Variants in GPC5 observed in about 807,000 individuals in gnomAD.
GPC5 encodes glypican 5.
In GPC5, 47 loss-of-function variants were observed where a neutral mutation model predicts 53.9. That is an observed-to-expected ratio of 0.87 (90% CI 0.69 to 1.11). The LOEUF (loss-of-function observed/expected upper bound fraction) is 1.11, where lower values mean the gene tolerates loss of function less well. Ranked by LOEUF, GPC5 falls within the 50% of genes most tolerant of loss-of-function variation. GPC5 has a pLI of 0.00. For synonymous variants in GPC5, 286 were observed against 263.3 expected, an observed-to-expected ratio of 1.09 and a Z score of -0.84; for missense variants, 748 against 713.1, an observed-to-expected ratio of 1.05 and a Z score of -0.56.
intron 7 of GPC5, among the ~76,000 whole-genome samples, chr13:92,366,524 T>G (rs1478809982): frequency 6.6e-6 from 1 of 151,864 alleles, no homozygotes; most frequent in Non-Finnish European, 1.5e-5. Context: ...TTTTCTGAAA[T>G]TCTTTACATC....
At chr13:92,239,620 A>T (rs1241996758) in intron 7 of GPC5, among the ~76,000 whole-genome samples, 1 of 152,026 alleles carries the variant, frequency 6.6e-6, no homozygotes, top group Non-Finnish European at 1.5e-5. Context: ...TTGTTTAAAA[A>T]GACGTATCCA....
intron 7 of GPC5, among the ~76,000 whole-genome samples, chr13:92,283,540 G>A (rs957682936): frequency 2.6e-5 from 4 of 152,116 alleles, no homozygotes; most frequent in Admixed American, 6.5e-5. Flanking sequence ...ATAACAAACT[G>A]TCTCTCAGAC....
intron 6 of GPC5, among the ~76,000 whole-genome samples, chr13:91,923,546 T>C (rs924528667): frequency 6.6e-6 from 1 of 152,216 alleles, no homozygotes; most frequent in Non-Finnish European, 1.5e-5. Flanking sequence ...AAAATGTGCA[T>C]TATAATAAAC....
intron 7 of GPC5, among the ~76,000 whole-genome samples, chr13:92,711,051 G>A (rs529794276): frequency 1.2e-4 from 18 of 152,182 alleles, no homozygotes; most frequent in South Asian, 2.1e-4. Context: ...TGCACTATTC[G>A]TACAGTCCCA....
chr13:92,008,717 G>T (rs1156670980), intron 6 of GPC5, among the ~76,000 whole-genome samples: 1 of 151,746 alleles, frequency 6.6e-6, no homozygotes, highest in East Asian at 1.9e-4. Flanking sequence ...TGAGTTTTTC[G>T]TTTTCATCAA....
chr13:91,583,650 G>T (rs1264136984), intron 2 of GPC5, among the ~76,000 whole-genome samples: 2 of 152,044 alleles, frequency 1.3e-5, no homozygotes, highest in Non-Finnish European at 2.9e-5. Flanking sequence ...AAATGTATAT[G>T]TTAATGAAAG....
chr13:91,661,537 T>A (rs114833076), intron 2 of GPC5, among the ~76,000 whole-genome samples: 2,879 of 152,266 alleles, frequency 0.019, 84 homozygotes, highest in African/African-American at 0.066. Flanking sequence ...AAGTCATTTA[T>A]GCAATGCATT....
At chr13:91,944,356 A>G (rs1428591041) in intron 6 of GPC5, among the ~76,000 whole-genome samples, 1 of 152,010 alleles carries the variant, frequency 6.6e-6, no homozygotes, top group African/African-American at 2.4e-5. Flanking sequence ...TCAGCCTCCC[A>G]AAGTTCTGGG....
In GPC5 at chr13:91,766,625, G is replaced by A. The variant is rs112084170; in HGVS notation, c.1280+10205G>A. The stretch of plus-strand genomic sequence containing the variant: ...TGCCTGTAATCCCAGCGCTTCGGGA[G>A]GCTGAGGTGGGCAGAACACGAGGTC... On this transcript the variant is annotated intron_variant, in intron 5 of 7. Transcript: ENST00000377067. Among the ~76,000 whole-genome samples, 1,008 of 152,284 alleles carry A rather than the reference G, an allele frequency of 6.6e-3. 13 individuals carry two copies. The highest frequency in any genetic ancestry group is 0.023 in the African/African-American group (955 of 41,554).
At chr13:91,448,285 C>G (rs769947716) in intron 1 of GPC5, among the ~76,000 whole-genome samples, 1 of 152,162 alleles carries the variant, frequency 6.6e-6, no homozygotes, top group Non-Finnish European at 1.5e-5. Context: ...ACAAGCAGCA[C>G]GAGCCTGATG....
At chr13:92,170,415 CT>C (rs1475843444) in intron 7 of GPC5, among the ~76,000 whole-genome samples, 1 of 96,584 alleles carries the variant, frequency 1.0e-5, no homozygotes, top group Non-Finnish European at 2.1e-5. Context: ...TTTGTCTTTT[CT>C]TTGCTTTTTT....
chr13:92,503,327 T>C (rs1343938573), intron 7 of GPC5, among the ~76,000 whole-genome samples: 1 of 151,708 alleles, frequency 6.6e-6, no homozygotes, highest in Admixed American at 6.6e-5. Context: ...AAAAGGAAAA[T>C]TAGAATACAT....
At chr13:91,807,421 G>A (rs1271872724) in intron 5 of GPC5, among the ~76,000 whole-genome samples, 1 of 152,136 alleles carries the variant, frequency 6.6e-6, no homozygotes, top group South Asian at 2.1e-4. Context: ...GCACATTGGA[G>A]TAGAAGAATT....
intron 6 of GPC5, among the ~76,000 whole-genome samples, chr13:91,972,161 G>A (rs1375332052): frequency 6.6e-6 from 1 of 152,254 alleles, no homozygotes; most frequent in East Asian, 1.9e-4. Context: ...TGTATTGGGT[G>A]CATATATATT....
At chr13:91,940,893 C>A (rs1000847979) in intron 6 of GPC5, among the ~76,000 whole-genome samples, 1 of 151,824 alleles carries the variant, frequency 6.6e-6, no homozygotes, top group Non-Finnish European at 1.5e-5. Flanking sequence ...GGATATTATA[C>A]TTTTGTTGGA....
At chr13:92,276,210 T>C (rs1329574717) in intron 7 of GPC5, among the ~76,000 whole-genome samples, 1 of 152,144 alleles carries the variant, frequency 6.6e-6, no homozygotes, top group Non-Finnish European at 1.5e-5. Context: ...GTTCCTTTTG[T>C]AACATACTGT....
intron 2 of GPC5, among the ~76,000 whole-genome samples, chr13:91,570,720 T>C (rs1012067009): frequency 5.9e-5 from 9 of 152,162 alleles, no homozygotes; most frequent in African/African-American, 2.2e-4. Flanking sequence ...TTTTTCTCTG[T>C]GCTATGTTTT....
At chr13:92,762,845 C>CT (rs1242128921) in intron 7 of GPC5, among the ~76,000 whole-genome samples, 2 of 151,620 alleles carry the variant, frequency 1.3e-5, no homozygotes, top group Non-Finnish European at 2.9e-5. Flanking sequence ...TTCAAAAGAC[C>CT]TTTTTCAAGT....
In GPC5 at chr13:91,970,438, CT is replaced by C. The variant is rs202030470; in HGVS notation, c.1401+62382del. Among the ~76,000 whole-genome samples, 857 of 151,880 alleles carry C rather than the reference CT, an allele frequency of 5.6e-3. 8 individuals carry two copies. Among genetic ancestry groups the C allele is most frequent in the African/African-American group, 0.016 (640 of 41,242 alleles). On this transcript the variant is annotated intron_variant, in intron 6 of 7. Coordinates refer to ENST00000377067, the MANE Select transcript of GPC5 (RefSeq NM_004466.6). Reference sequence around the variant, plus strand: ...TTTGCTAGGAGTAGATTGCCCCCCCCTCACACATACACACATACATACACAC... The same window carrying C: ...TTTGCTAGGAGTAGATTGCCCCCCCCCACACATACACACATACATACACAC...
Sources: gnomAD v4.1 joint callset for allele counts (sites outside exome capture counted in the v4.1 genomes callset) on GRCh38, gnomAD v4.1.1 for gene constraint, MANE v1.5 for transcripts, NCBI Gene and HGNC (gene_info 2026-07-23, HGNC 2026-07-21) for gene names.